The following CARD10 variants were observed in gnomAD, a reference collection of about 807,000 sequenced individuals.
CARD10 encodes caspase recruitment domain-containing protein 10.
Under a neutral mutation model 114.6 loss-of-function variants are expected in CARD10, and 49 were observed. The observed-to-expected ratio is 0.43, with a 90% CI of 0.34 to 0.54. CARD10 has a LOEUF of 0.54. Among genes scored for constraint, CARD10 ranks in the 20% least tolerant of loss-of-function variants. The pLI is 0.03. For synonymous variants in CARD10, 602 were observed against 593.2 expected, an observed-to-expected ratio of 1.01 and a Z score of -0.21; for missense variants, 1,206 against 1,397.2, an observed-to-expected ratio of 0.86 and a Z score of 2.18.
chr22:37,500,419 T>C (rs954415108), intron 11 of CARD10, among the ~76,000 whole-genome samples: 1 of 152,036 alleles, frequency 6.6e-6, no homozygotes, highest in Admixed American at 6.5e-5. Flanking sequence ...GCACCTCACT[T>C]GCCCCATGAG....
At chr22:37,499,145 G>T (rs577024775) in intron 11 of CARD10, among the ~76,000 whole-genome samples, 12 of 152,182 alleles carry the variant, frequency 7.9e-5, no homozygotes, top group Middle Eastern at 3.4e-3. Context: ...ATGTGTACCG[G>T]GTTTCTCTCA....
At chr22:37,493,565 G>A (rs967345563) in intron 16 of CARD10, among the ~76,000 whole-genome samples, 4 of 152,100 alleles carry the variant, frequency 2.6e-5, no homozygotes, top group African/African-American at 4.8e-5. Context: ...CCATGCCTCT[G>A]TGCCTTCTGC....
chr22:37,491,654 AAGAGGGGGAGGGAGAG>A (rs1399994863), intron 19 of CARD10, 85 bp downstream of exon 19: 14 of 232,914 alleles, frequency 6.0e-5, no homozygotes, highest in Non-Finnish European at 9.9e-5. Context: ...GGGAGGGAGA[AAGAGGGGGAGGGAGAG>A]AGAGGGGGGA....
chr22:37,492,672 G>A lies in CARD10; in HGVS notation c.2607C>T (p.Ser869=), dbSNP rs769164076. The A allele has an allele frequency of 3.4e-5, 55 of 1,612,960 alleles. No homozygotes were observed. The highest frequency in any genetic ancestry group is 4.5e-5 in the Non-Finnish European group (53 of 1,179,878). The change falls in exon 17 of 20, where the codon TCC becomes TCT. Residue 869 remains serine, a synonymous_variant. Coordinates refer to ENST00000251973, the MANE Select transcript of CARD10 (RefSeq NM_014550.4). The surrounding 1 kb of genome is among the most constrained non-coding windows in gnomAD (Gnocchi z 5.7). ...CTGGGCACACTTGGAAGTCCAGCCG[G>A]GAGCTGGGCAGGTCTAGCAGGTTAC... ...LIRNLLDLPS[S]RLDFQVCPAE...
chr22:37,498,345 T>G (rs867666382), intron 11 of CARD10, among the ~76,000 whole-genome samples: 3 of 152,174 alleles, frequency 2.0e-5, no homozygotes, highest in African/African-American at 4.8e-5. Flanking sequence ...GTTCTGCCTG[T>G]CCCTGGATGA....
At chr22:37,502,209 G>A (rs1303796786) in intron 11 of CARD10, among the ~76,000 whole-genome samples, 1 of 152,222 alleles carries the variant, frequency 6.6e-6, no homozygotes, top group Non-Finnish European at 1.5e-5. Context: ...CTCAGTCCCA[G>A]GGACTCAGAG....
At chr22:37,513,254 G>T (rs1923724081) in intron 3 of CARD10, among the ~76,000 whole-genome samples, 1 of 151,998 alleles carries the variant, frequency 6.6e-6, no homozygotes, top group South Asian at 2.1e-4. Context: ...GAGACCACAG[G>T]TGCATGCCAC....
intron 11 of CARD10, among the ~76,000 whole-genome samples, chr22:37,497,994 C>A (rs1395392642): frequency 6.6e-6 from 1 of 152,106 alleles, no homozygotes; most frequent in East Asian, 1.9e-4. Flanking sequence ...CTAGGCTACA[C>A]GCTGGTGAAG....
rs760062870 is a variant in CARD10 at position 37,492,485 on chromosome 22, T to C, written c.2701A>G (p.Thr901Ala). 6.2e-7 allele frequency: 1 copy of C among 1,602,260 alleles called. No homozygotes were observed. The highest frequency in any genetic ancestry group is 1.1e-5 in the South Asian group (1 of 89,906). ...CGGATCCTGCTGCCTAGCCCAGGGG[T>C]GGCAGGCTGAGCCTTGGGGGCTCCA... Reference protein sequence around the residue: ...APGAPKAQPATPGLGSRIRAI... With the variant: ...APGAPKAQPAAPGLGSRIRAI... The change falls in exon 18 of 20, where the codon ACC becomes GCC. Residue 901 changes from threonine to alanine, a missense_variant. Coordinates refer to ENST00000251973, the MANE Select transcript of CARD10 (RefSeq NM_014550.4). The surrounding 1 kb of genome is among the most constrained non-coding windows in gnomAD (Gnocchi z 5.7).
At chr22:37,495,428 C>T in intron 15 of CARD10, 89 bp downstream of exon 15, 1 of 1,009,786 alleles carries the variant, frequency 9.9e-7, no homozygotes. Context: ...GGAGTGTCTT[C>T]CTAGGTTGCC....
chr22:37,505,319 T>C (rs1041518879), intron 7 of CARD10, among the ~76,000 whole-genome samples: 1 of 152,060 alleles, frequency 6.6e-6, no homozygotes. Context: ...TTTTCCTATA[T>C]TCCTCCAGGC....
Position 37,492,379 on chromosome 22 carries a change from C to T in CARD10, c.2751+56G>A. 1.5e-6 allele frequency: 2 copies of T among 1,301,146 alleles called. No homozygotes were observed. The highest frequency in any genetic ancestry group is 2.9e-5 in the South Asian group (2 of 69,212). 80.6% of individuals were successfully genotyped at this position (1,301,146 alleles called of 1,614,324 possible). On this transcript the variant is annotated intron_variant, in intron 18 of 19. Transcript: ENST00000251973. The surrounding 1 kb of genome is among the most constrained non-coding windows in gnomAD (Gnocchi z 5.7). The stretch of plus-strand genomic sequence containing the variant: ...ACGCTGGCGCTCAAGCCCAGAACAG[C>T]AGCACCCGCTCTGGGCCACCTCTGT...
chr22:37,512,956 T>G (rs1375463351), intron 3 of CARD10, among the ~76,000 whole-genome samples: 1 of 152,152 alleles, frequency 6.6e-6, no homozygotes, highest in Non-Finnish European at 1.5e-5. Flanking sequence ...CACCTGCCTA[T>G]GGGAGGTGGG....
At chr22:37,499,291 AC>A (rs1923127071) in intron 11 of CARD10, among the ~76,000 whole-genome samples, 1 of 151,930 alleles carries the variant, frequency 6.6e-6, no homozygotes, top group Non-Finnish European at 1.5e-5. Context: ...CTGAGTTTAG[AC>A]ATGGGCAGCT....
intron 3 of CARD10, 115 bp from the exon 4 acceptor site, chr22:37,510,536 C>G: frequency 1.2e-6 from 1 of 859,064 alleles, no homozygotes; most frequent in Non-Finnish European, 1.8e-6. Context: ...CCAGAGAAGC[C>G]GAAGCAGGAG....
intron 3 of CARD10, among the ~76,000 whole-genome samples, chr22:37,512,500 C>T (rs968023239): frequency 1.3e-5 from 2 of 150,882 alleles, no homozygotes; most frequent in Admixed American, 6.6e-5. Flanking sequence ...CACACACACA[C>T]ACACACACAC....
chr22:37,507,807 C>G (rs201000292), intron 6 of CARD10, 22 bp downstream of exon 6: 77 of 1,613,822 alleles, frequency 4.8e-5, no homozygotes, highest in Non-Finnish European at 6.4e-5. Flanking sequence ...CCCAGGGCCT[C>G]GTACACGCAG....
chr22:37,505,849 G>A (rs753038398), intron 7 of CARD10, among the ~76,000 whole-genome samples: 1 of 152,126 alleles, frequency 6.6e-6, no homozygotes, highest in Non-Finnish European at 1.5e-5. Context: ...TGACTAGCTG[G>A]TCTCTGAGGC....
intron 11 of CARD10, among the ~76,000 whole-genome samples, chr22:37,498,280 T>C (rs936876269): frequency 6.6e-6 from 1 of 152,128 alleles, no homozygotes; most frequent in East Asian, 1.9e-4. Context: ...TTTCCTCCCA[T>C]GGGCAGGAGG....
Sources: allele counts gnomAD v4.1 joint callset (sites outside exome capture counted in the v4.1 genomes callset), GRCh38; gene constraint gnomAD v4.1.1; non-coding constraint Gnocchi (gnomAD v3.1); transcripts MANE v1.5; gene names NCBI Gene and HGNC (gene_info 2026-07-23, HGNC 2026-07-21).